The following LARGE1 variants were observed in gnomAD, a reference collection of about 807,000 sequenced individuals.
The protein encoded by LARGE1 is xylosyl- and glucuronyltransferase LARGE1.
A neutral mutation model predicts 87.6 loss-of-function variants in LARGE1; 43 were observed. The ratio of observed to expected loss-of-function variants is 0.49; its 90% CI spans 0.38 to 0.63. LARGE1 has a LOEUF of 0.63. Among genes scored for constraint, LARGE1 ranks in the 30% least tolerant of loss-of-function variants. LARGE1 has a pLI of 0.00. For missense variants in LARGE1, 802 were observed against 1,000.2 expected (o/e 0.80, Z 2.67); for synonymous variants, 434 against 394.6 (o/e 1.10, Z -1.18).
intron 6 of LARGE1, among the ~76,000 whole-genome samples, chr22:33,484,031 G>A (rs1470045030): frequency 6.6e-6 from 1 of 152,144 alleles, no homozygotes; most frequent in Non-Finnish European, 1.5e-5. Flanking sequence ...CCGCGACACG[G>A]GCCTCATTGC....
At chr22:33,380,706 G>A (rs576183304) in intron 9 of LARGE1, among the ~76,000 whole-genome samples, 3 of 152,292 alleles carry the variant, frequency 2.0e-5, no homozygotes, top group African/African-American at 7.2e-5. Flanking sequence ...CAGAAGCCAA[G>A]TACAAAAGAC....
At chr22:33,881,671 C>G (rs1340432634) in intron 1 of LARGE1, among the ~76,000 whole-genome samples, 1 of 152,152 alleles carries the variant, frequency 6.6e-6, no homozygotes, top group Non-Finnish European at 1.5e-5. Flanking sequence ...ATAAAACATA[C>G]AGAATATAGA....
At position 33,392,387 on chromosome 22, in the gene LARGE1, G is replaced by A. The variant is rs190994457; in HGVS notation, c.893-8083C>T. ...AAAAAAGAAAATGGGGGCCAGGTGC[G>A]GTGGCTCACGCCTGTGATCCCAGCA... On this transcript the variant is annotated intron_variant, in intron 7 of 14. Transcript: ENST00000397394. 4.3e-4 allele frequency among the ~76,000 whole-genome samples: 66 copies of A among 152,246 alleles called. No individual in the cohort carries two copies. The South Asian group carries it at 6.4e-3, about 15-fold the overall frequency.
At chr22:33,451,199 A>G (rs1389702627) in intron 6 of LARGE1, among the ~76,000 whole-genome samples, 1 of 152,054 alleles carries the variant, frequency 6.6e-6, no homozygotes, top group African/African-American at 2.4e-5. Flanking sequence ...TTTCCGATGG[A>G]GGCATCCAAG....
chr22:33,496,531 C>T (rs948649809), intron 6 of LARGE1, among the ~76,000 whole-genome samples: 2 of 152,144 alleles, frequency 1.3e-5, no homozygotes. Flanking sequence ...AGACACCAAG[C>T]TGAGTCTGCC....
chr22:33,612,264 C>T (rs748642181), intron 4 of LARGE1, among the ~76,000 whole-genome samples: 10 of 152,082 alleles, frequency 6.6e-5, no homozygotes, highest in Non-Finnish European at 1.2e-4. Flanking sequence ...CCACCATGCC[C>T]GGCTAATTTT....
In LARGE1 at chr22:33,372,335, T is replaced by C. The variant is rs559619070; in HGVS notation, c.1131+9584A>G. 3.0e-4 allele frequency among the ~76,000 whole-genome samples: 45 copies of C among 152,294 alleles called. 1 individual carries two copies. The South Asian group carries it at 8.7e-3, about 29-fold the overall frequency. The stretch of plus-strand genomic sequence containing the variant: ...AAGGTTACTAAGAATAAAATCCTAA[T>C]TAATTTATATATAATTCTGTATACA... On this transcript the variant is annotated intron_variant, in intron 9 of 14. Coordinates refer to ENST00000397394, the MANE Select transcript of LARGE1 (RefSeq NM_133642.5).
In LARGE1 at chr22:33,486,243, G is replaced by A. The variant is rs545049205; in HGVS notation, c.788-53978C>T. On this transcript the variant is annotated intron_variant, in intron 6 of 14. Transcript: ENST00000397394. ...CTGGGTGTGGGTGGTGCCTGAAGGCGCTTCCATCTCTTTGTTCGAAGAGAT... is the reference window on the plus strand; with the variant it reads ...CTGGGTGTGGGTGGTGCCTGAAGGCACTTCCATCTCTTTGTTCGAAGAGAT... 5.3e-5 allele frequency among the ~76,000 whole-genome samples: 8 copies of A among 152,308 alleles called. 1 individual carries two copies. The South Asian group carries it at 1.7e-3, about 32-fold the overall frequency.
chr22:33,424,345 T>C (rs1482051765), intron 7 of LARGE1, among the ~76,000 whole-genome samples: 1 of 152,172 alleles, frequency 6.6e-6, no homozygotes, highest in African/African-American at 2.4e-5. Flanking sequence ...CTAAAGGTGG[T>C]CAACCAATCA....
At chr22:33,621,690 C>G (rs8141377) in intron 4 of LARGE1, among the ~76,000 whole-genome samples, 1 of 152,056 alleles carries the variant, frequency 6.6e-6, no homozygotes, top group Non-Finnish European at 1.5e-5. Context: ...CTTTCTGAGC[C>G]GAAAGTCTTT....
chr22:33,584,939 A>G (rs1185813128), intron 5 of LARGE1, among the ~76,000 whole-genome samples: 1 of 152,200 alleles, frequency 6.6e-6, no homozygotes, highest in Non-Finnish European at 1.5e-5. Flanking sequence ...CAACATGGTG[A>G]AACCCTGTCT....
the LARGE1 span, among the ~76,000 whole-genome samples, chr22:33,115,628 C>T: frequency 2.4e-4 from 37 of 151,766 alleles, no homozygotes; most frequent in East Asian, 1.2e-3. Flanking sequence ...CCATCCTGGC[C>T]AACATGGTGA....
chr22:33,490,921 C>T (rs572504820), intron 6 of LARGE1, among the ~76,000 whole-genome samples: 9 of 152,304 alleles, frequency 5.9e-5, no homozygotes, highest in Admixed American at 5.2e-4. Flanking sequence ...ACTCTTCTCT[C>T]TTACTCCTGT....
At chr22:33,077,943 C>CT in the LARGE1 span, among the ~76,000 whole-genome samples, 48 of 146,292 alleles carry the variant, frequency 3.3e-4, no homozygotes, top group East Asian at 2.8e-3. Flanking sequence ...GTTTCGTTTC[C>CT]TTTTTTTTTT....
intron 11 of LARGE1, among the ~76,000 whole-genome samples, chr22:33,255,875 G>A (rs1927235750): frequency 6.6e-6 from 1 of 152,100 alleles, no homozygotes; most frequent in African/African-American, 2.4e-5. Context: ...TTGCTTTTTT[G>A]AAGAGTCAGT....
At chr22:33,316,321 C>G (rs2146306266) in intron 10 of LARGE1, 73 bp from the exon 11 acceptor site, 1 of 1,442,934 alleles carries the variant, frequency 6.9e-7, no homozygotes, top group Middle Eastern at 2.3e-4. Context: ...GCCCCTTGAG[C>G]CCTGCCCTCC....
chr22:33,105,045 T>C, the LARGE1 span, among the ~76,000 whole-genome samples: 20 of 151,916 alleles, frequency 1.3e-4, no homozygotes, highest in African/African-American at 3.9e-4. Context: ...TCACCCAGGC[T>C]GGAGTGCAGT....
chr22:33,847,774 C>G (rs1200229103), intron 1 of LARGE1, among the ~76,000 whole-genome samples: 2 of 152,192 alleles, frequency 1.3e-5, no homozygotes, highest in Non-Finnish European at 2.9e-5. Flanking sequence ...TGGTTTTCAC[C>G]ATTTCTCACT....
the LARGE1 span, among the ~76,000 whole-genome samples, chr22:33,134,191 T>C: frequency 6.6e-6 from 1 of 151,936 alleles, no homozygotes; most frequent in Non-Finnish European, 1.5e-5. Context: ...AGTCAATGAA[T>C]GATCTTGTGC....
Sources: gnomAD v4.1 joint callset for allele counts (sites outside exome capture counted in the v4.1 genomes callset) on GRCh38, gnomAD v4.1.1 for gene constraint, MANE v1.5 for transcripts, NCBI Gene and HGNC (gene_info 2026-07-23, HGNC 2026-07-21) for gene names.